The following ANTXR2 variants were observed in gnomAD, a reference collection of about 807,000 sequenced individuals.
ANTXR2 encodes the protein ANTXR cell adhesion molecule 2, also known as anthrax toxin receptor 2.
A neutral mutation model predicts 73.7 loss-of-function variants in ANTXR2; 44 were observed. That is an observed-to-expected ratio of 0.60 (90% confidence interval 0.47 to 0.77). The LOEUF (loss-of-function observed/expected upper bound fraction) is 0.77. Among genes scored for constraint, ANTXR2 ranks in the 30% least tolerant of loss-of-function variants. The pLI is 0.00. For missense variants in ANTXR2, 604 were observed against 592.5 expected (o/e 1.02, Z -0.20); for synonymous variants, 217 against 205.9 (o/e 1.05, Z -0.46).
intron 16 of ANTXR2, among the ~76,000 whole-genome samples, chr4:79,932,685 G>A (rs1441693305): frequency 2.0e-5 from 3 of 150,722 alleles, no homozygotes; most frequent in Non-Finnish European, 2.9e-5. Flanking sequence ...CCAGCTACTC[G>A]GAAGGCTGAG....
intron 16 of ANTXR2, among the ~76,000 whole-genome samples, chr4:79,946,749 C>A (rs1728531419): frequency 6.6e-6 from 1 of 151,988 alleles, no homozygotes; most frequent in Non-Finnish European, 1.5e-5. Context: ...AAGAAAAACA[C>A]GAATAGGTGA....
chr4:79,956,076 A>G (rs1291663571), intron 16 of ANTXR2, among the ~76,000 whole-genome samples: 1 of 152,184 alleles, frequency 6.6e-6, no homozygotes, highest in Non-Finnish European at 1.5e-5. Flanking sequence ...GTTGAATTAC[A>G]CAACTTCTAA....
At chr4:79,998,099 A>G (rs1179559146) in intron 12 of ANTXR2, among the ~76,000 whole-genome samples, 1 of 152,026 alleles carries the variant, frequency 6.6e-6, no homozygotes, top group Non-Finnish European at 1.5e-5. Flanking sequence ...CAGCATTATT[A>G]CTATTTAGAA....
chr4:80,054,612 C>CT lies in ANTXR2; in HGVS notation c.556-261dup, dbSNP rs1172884828. Among the ~76,000 whole-genome samples, 10 of 144,960 alleles carry CT rather than the reference C, an allele frequency of 6.9e-5. No individual in the cohort carries two copies. The East Asian group carries it at 2.1e-3, about 31-fold the overall frequency. The stretch of plus-strand genomic sequence containing the variant: ...AATTTCAAAACAGTGCAGAGGAAAT[C>CT]TAACAGCTATCAACAGCGTGACTCA... On this transcript the variant is annotated intron_variant, in intron 6 of 16. Transcript: ENST00000403729.
chr4:80,005,876 C>A lies in ANTXR2; in HGVS notation c.1041+2645G>T, dbSNP rs923094550. Among the ~76,000 whole-genome samples, 9 of 152,222 alleles carry A rather than the reference C, an allele frequency of 5.9e-5. No homozygotes were observed. The South Asian group carries it at 1.9e-3, about 32-fold the overall frequency. On this transcript the variant is annotated intron_variant, in intron 12 of 16. Coordinates refer to ENST00000403729, the MANE Select transcript of ANTXR2 (RefSeq NM_058172.6). ...TCTCTCCAGTGGCTTCTCGTCATCCCTGGGAAGAGATCAGACTTTCTATTA... is the reference window on the plus strand; with the variant it reads ...TCTCTCCAGTGGCTTCTCGTCATCCATGGGAAGAGATCAGACTTTCTATTA...
At chr4:79,922,687 C>A (rs548579770) in intron 16 of ANTXR2, among the ~76,000 whole-genome samples, 1 of 152,116 alleles carries the variant, frequency 6.6e-6, no homozygotes, top group South Asian at 2.1e-4. Flanking sequence ...TGAAGACATA[C>A]ATGTAATAAC....
chr4:79,908,622 A>T (rs575503676), intron 16 of ANTXR2, among the ~76,000 whole-genome samples: 1 of 152,328 alleles, frequency 6.6e-6, no homozygotes, highest in South Asian at 2.1e-4. Flanking sequence ...TGTCTTTTAA[A>T]TACTTTTGGA....
At chr4:79,943,670 G>A (rs1276002786) in intron 16 of ANTXR2, among the ~76,000 whole-genome samples, 3 of 138,628 alleles carry the variant, frequency 2.2e-5, no homozygotes, top group Non-Finnish European at 4.6e-5. Context: ...CACCAGCATG[G>A]CACATGTATA....
At chr4:80,059,666 T>C (rs1734152140) in intron 3 of ANTXR2, among the ~76,000 whole-genome samples, 1 of 152,130 alleles carries the variant, frequency 6.6e-6, no homozygotes, top group Admixed American at 6.6e-5. Context: ...GCTTGGCTAA[T>C]TTTTTAATGT....
At chr4:80,030,428 C>A (rs554914889) in intron 10 of ANTXR2, among the ~76,000 whole-genome samples, 55 of 152,124 alleles carry the variant, frequency 3.6e-4, no homozygotes, top group African/African-American at 1.3e-3. Context: ...TTGAGTCCTA[C>A]GGTGTGCTTG....
At chr4:80,005,928 G>T (rs1397421785) in intron 12 of ANTXR2, among the ~76,000 whole-genome samples, 2 of 152,050 alleles carry the variant, frequency 1.3e-5, no homozygotes, top group South Asian at 2.1e-4. Context: ...CTCCCCTATG[G>T]GTTCATGCCA....
chr4:79,914,312 T>C (rs1025120103), intron 16 of ANTXR2, among the ~76,000 whole-genome samples: 2 of 152,152 alleles, frequency 1.3e-5, no homozygotes, highest in East Asian at 1.9e-4. Context: ...CTAAAAGCAA[T>C]TGCTAGCCTC....
intron 16 of ANTXR2, among the ~76,000 whole-genome samples, chr4:79,966,127 G>GACACACACAC (rs10549471): frequency 0.16 from 24,142 of 149,374 alleles, 3,281 homozygotes; most frequent in East Asian, 0.55. Context: ...CTAGGACTTA[G>GACACACACAC]ACACACACAC....
chr4:79,914,567 G>T (rs945632641), intron 16 of ANTXR2, among the ~76,000 whole-genome samples: 7 of 152,040 alleles, frequency 4.6e-5, no homozygotes, highest in African/African-American at 1.7e-4. Flanking sequence ...TGTACCTTAT[G>T]CAAAAAGACC....
chr4:80,006,675 A>G (rs1319312577), intron 12 of ANTXR2, among the ~76,000 whole-genome samples: 1 of 152,094 alleles, frequency 6.6e-6, no homozygotes, highest in Non-Finnish European at 1.5e-5. Flanking sequence ...TTAGAGTACC[A>G]TGTATCTAGT....
chr4:79,909,143 A>G (rs1016104333), intron 16 of ANTXR2, among the ~76,000 whole-genome samples: 2 of 152,196 alleles, frequency 1.3e-5, no homozygotes, highest in Non-Finnish European at 2.9e-5. Context: ...AGAATTGAAC[A>G]AATATATGAG....
At chr4:80,009,780 G>A (rs1376806769) in intron 11 of ANTXR2, among the ~76,000 whole-genome samples, 1 of 151,168 alleles carries the variant, frequency 6.6e-6, no homozygotes, top group African/African-American at 2.4e-5. Flanking sequence ...CCGGGAGGTG[G>A]AGTTTGCCAT....
intron 7 of ANTXR2, among the ~76,000 whole-genome samples, chr4:80,039,857 A>G (rs947334418): frequency 6.6e-6 from 1 of 152,142 alleles, no homozygotes; most frequent in Non-Finnish European, 1.5e-5. Flanking sequence ...AAAGCCATGG[A>G]ATCAACCTAG....
chr4:79,981,484 T>C (rs1485683600), intron 14 of ANTXR2, among the ~76,000 whole-genome samples: 2 of 152,238 alleles, frequency 1.3e-5, no homozygotes, highest in Non-Finnish European at 2.9e-5. Context: ...GCACACCTTA[T>C]ATACATATTC....
Sources: allele counts gnomAD v4.1 joint callset (sites outside exome capture counted in the v4.1 genomes callset), GRCh38; gene constraint gnomAD v4.1.1; transcripts MANE v1.5; gene names NCBI Gene and HGNC (gene_info 2026-07-23, HGNC 2026-07-21).